The following LRRIQ3 variants were observed in gnomAD, a reference collection of about 807,000 sequenced individuals.
LRRIQ3 encodes leucine rich repeats and IQ motif containing 3.
A neutral mutation model predicts 59.3 loss-of-function variants in LRRIQ3; 75 were observed. The ratio of observed to expected loss-of-function variants is 1.26; its 90% CI spans 1.05 to 1.53. The LOEUF is 1.53. LRRIQ3 is among the 40% of genes most tolerant of loss of function. The pLI is 0.00. For synonymous variants in LRRIQ3, 250 were observed against 231.3 expected (o/e 1.08, Z -0.73); for missense variants, 831 against 710.0 (o/e 1.17, Z -1.94).
intron 1 of LRRIQ3, among the ~76,000 whole-genome samples, chr1:74,185,866 C>G (rs559701437): frequency 6.6e-6 from 1 of 151,858 alleles, no homozygotes; most frequent in African/African-American, 2.4e-5. Flanking sequence ...TGGTGTGAAC[C>G]CAGGAGCGTG....
intron 6 of LRRIQ3, among the ~76,000 whole-genome samples, chr1:74,061,784 C>T (rs1016860714): frequency 7.9e-5 from 12 of 152,170 alleles, no homozygotes; most frequent in African/African-American, 2.9e-4. Flanking sequence ...CTAGTAGTCT[C>T]AGCAGTTTGG....
intron 4 of LRRIQ3, among the ~76,000 whole-genome samples, chr1:74,116,834 C>A (rs1646783219): frequency 6.6e-6 from 1 of 151,802 alleles, no homozygotes; most frequent in South Asian, 2.1e-4. Context: ...AGGTAATATA[C>A]CATTAATAAG....
intron 4 of LRRIQ3, among the ~76,000 whole-genome samples, chr1:74,146,116 T>C (rs1647550661): frequency 6.6e-6 from 1 of 152,150 alleles, no homozygotes; most frequent in African/African-American, 2.4e-5. Flanking sequence ...CACCTAAGTT[T>C]GTCTAAGTGT....
chr1:74,031,775 A>T (rs547226673), intron 7 of LRRIQ3, among the ~76,000 whole-genome samples: 51 of 152,208 alleles, frequency 3.4e-4, no homozygotes, highest in Middle Eastern at 3.4e-3. Context: ...AAATATATTT[A>T]AAAAAGTCTT....
chr1:74,160,734 C>A (rs963248489), intron 3 of LRRIQ3, among the ~76,000 whole-genome samples: 1 of 151,972 alleles, frequency 6.6e-6, no homozygotes, highest in Non-Finnish European at 1.5e-5. Flanking sequence ...TTCTGAAGCT[C>A]CTAACTGCTC....
intron 4 of LRRIQ3, among the ~76,000 whole-genome samples, chr1:74,139,396 C>G (rs562485641): frequency 6.6e-6 from 1 of 151,742 alleles, no homozygotes; most frequent in Non-Finnish European, 1.5e-5. Flanking sequence ...TTTTTAGTGT[C>G]ATCCATCATA....
intron 6 of LRRIQ3, among the ~76,000 whole-genome samples, chr1:74,066,447 A>AT (rs1262840376): frequency 3.3e-5 from 5 of 152,052 alleles, no homozygotes; most frequent in Non-Finnish European, 5.9e-5. Flanking sequence ...CAATAGACAC[A>AT]TTTTTTGGTA....
rs111395576 is a variant in LRRIQ3 at position 74,062,481 on chromosome 1, C to T, written c.997+12180G>A. ...GAAATGTAAATTAGTTCACTCATTG[C>T]AGAAAGCAGTTTGACAATTTCTGAA... is the stretch of plus-strand genomic sequence containing the variant. On this transcript the variant is annotated intron_variant, in intron 6 of 7. Transcript: ENST00000354431. 4.2e-3 allele frequency among the ~76,000 whole-genome samples: 643 copies of T among 152,210 alleles called. 5 individuals carry two copies. Among genetic ancestry groups the T allele is most frequent in the African/African-American group, 0.015 (613 of 41,540 alleles).
chr1:74,061,531 C>T (rs1185101633), intron 6 of LRRIQ3, among the ~76,000 whole-genome samples: 1 of 152,098 alleles, frequency 6.6e-6, no homozygotes, highest in African/African-American at 2.4e-5. Context: ...CATTACCTGA[C>T]TTCAAACTAT....
chr1:74,095,174 G>A (rs1396391391), intron 5 of LRRIQ3: 2 of 152,080 alleles, frequency 1.3e-5, no homozygotes, highest in East Asian at 3.9e-4. Flanking sequence ...AAACTATTGT[G>A]GACCACAAGA....
At chr1:74,127,042 T>G (rs568262918) in intron 4 of LRRIQ3, among the ~76,000 whole-genome samples, 2 of 152,064 alleles carry the variant, frequency 1.3e-5, no homozygotes, top group South Asian at 4.1e-4. Context: ...CAGTGTTGGG[T>G]GCATATATAT....
intron 6 of LRRIQ3, among the ~76,000 whole-genome samples, chr1:74,059,797 T>C (rs1654648942): frequency 6.6e-6 from 1 of 152,118 alleles, no homozygotes. Context: ...AGTAATATCA[T>C]CTTAATTTTA....
At chr1:74,040,336 A>G (rs1202750865) in intron 7 of LRRIQ3, among the ~76,000 whole-genome samples, 3 of 152,164 alleles carry the variant, frequency 2.0e-5, no homozygotes, top group Non-Finnish European at 4.4e-5. Flanking sequence ...CCACACAATA[A>G]TAGTGGGAGA....
chr1:74,161,413 T>A (rs969535729), intron 3 of LRRIQ3, among the ~76,000 whole-genome samples: 2 of 152,116 alleles, frequency 1.3e-5, no homozygotes, highest in African/African-American at 4.8e-5. Context: ...TGTAAGAATA[T>A]TATCTTTTAC....
At chr1:74,119,705 A>G (rs1357423893) in intron 4 of LRRIQ3, among the ~76,000 whole-genome samples, 1 of 152,128 alleles carries the variant, frequency 6.6e-6, no homozygotes, top group Non-Finnish European at 1.5e-5. Flanking sequence ...CACCAAATTA[A>G]AATAATACTC....
chr1:74,101,118 G>T (rs1200938379), intron 5 of LRRIQ3, among the ~76,000 whole-genome samples: 3 of 152,086 alleles, frequency 2.0e-5, no homozygotes, highest in Non-Finnish European at 4.4e-5. Context: ...AGAGTGAACA[G>T]GCAATCTACA....
At chr1:74,107,725 T>C (rs576196450) in intron 5 of LRRIQ3, among the ~76,000 whole-genome samples, 2 of 151,098 alleles carry the variant, frequency 1.3e-5, no homozygotes, top group South Asian at 4.1e-4. Flanking sequence ...CATCAAAAAA[T>C]AAAACTTACA....
At chr1:74,155,384 G>A (rs1570225979) in intron 4 of LRRIQ3, among the ~76,000 whole-genome samples, 1 of 152,170 alleles carries the variant, frequency 6.6e-6, no homozygotes, top group Non-Finnish European at 1.5e-5. Flanking sequence ...ATAGATTGAC[G>A]TGGTAGCAGA....
intron 4 of LRRIQ3, among the ~76,000 whole-genome samples, chr1:74,143,921 A>G (rs566040149): frequency 2.0e-5 from 3 of 152,016 alleles, no homozygotes; most frequent in African/African-American, 7.2e-5. Context: ...TTTAAATGAG[A>G]CTAATCATTT....
Sources: gnomAD v4.1 joint callset for allele counts (sites outside exome capture counted in the v4.1 genomes callset) on GRCh38, gnomAD v4.1.1 for gene constraint, MANE v1.5 for transcripts, NCBI Gene and HGNC (gene_info 2026-07-23, HGNC 2026-07-21) for gene names.